RSPO2: variants seen among roughly 807,000 people sequenced by gnomAD.
RSPO2 encodes the protein R-spondin-2.
RSPO2 carries 14 observed loss-of-function variants against 30.9 expected under a neutral mutation model. The observed-to-expected ratio is 0.45, with a 90% confidence interval of 0.30 to 0.71. The LOEUF is 0.71. Ranked by LOEUF, RSPO2 falls within the 30% of genes least tolerant of loss-of-function variation. RSPO2 has a pLI of 0.08. For synonymous variants in RSPO2, 107 were observed against 96.4 expected (o/e 1.11, Z -0.64); for missense variants, 264 against 301.9 (o/e 0.87, Z 0.93).
intron 3 of RSPO2, among the ~76,000 whole-genome samples, chr8:107,987,083 C>T (rs1056463472): frequency 1.3e-5 from 2 of 152,156 alleles, no homozygotes; most frequent in Non-Finnish European, 2.9e-5. Flanking sequence ...ATATTTCTAA[C>T]TCTGCTAACG....
chr8:108,037,603 G>A (rs530217273), intron 2 of RSPO2, among the ~76,000 whole-genome samples: 2 of 152,284 alleles, frequency 1.3e-5, no homozygotes, highest in Admixed American at 6.5e-5. Context: ...GCCTGCTACT[G>A]GGAGAAGATG....
At chr8:107,949,700 T>G (rs1375242250) in intron 5 of RSPO2, among the ~76,000 whole-genome samples, 1 of 152,164 alleles carries the variant, frequency 6.6e-6, no homozygotes, top group Non-Finnish European at 1.5e-5. Flanking sequence ...TATGGAATAA[T>G]AGAAACTGGA....
Position 108,002,245 on chromosome 8 carries a change from T to C in RSPO2, c.95-13001A>G, listed in dbSNP as rs191644404. On this transcript the variant is annotated intron_variant, in intron 2 of 5. Transcript: ENST00000276659. ...ATCTAAATATATACATTTATGAAGA[T>C]TGCAAAACCACCACCCTCACATGGT... Among the ~76,000 whole-genome samples the C allele has an allele frequency of 2.4e-3, 363 of 152,256 alleles. 2 individuals are homozygous for C. The highest frequency in any genetic ancestry group is 7.9e-3 in the African/African-American group (330 of 41,540).
At chr8:108,055,592 T>C (rs1812219179) in intron 2 of RSPO2, among the ~76,000 whole-genome samples, 1 of 152,032 alleles carries the variant, frequency 6.6e-6, no homozygotes, top group Non-Finnish European at 1.5e-5. Flanking sequence ...GTTCAAAACA[T>C]ACTGAAAAGA....
Position 107,970,917 on chromosome 8 carries a change from T to G in RSPO2, c.284-10100A>C, listed in dbSNP as rs527272747. Among the ~76,000 whole-genome samples, 9 of 152,336 alleles carry G rather than the reference T, an allele frequency of 5.9e-5. No individual in the cohort carries two copies. In the South Asian group the frequency reaches 1.7e-3, roughly 28 times the overall value. On this transcript the variant is annotated intron_variant, in intron 3 of 5. Transcript: ENST00000276659. ...TGTCATGTATGCCCATCTAGTTTGA[T>G]GATAAAAGTAGATACAGTCTTGGTT... is the stretch of plus-strand genomic sequence containing the variant.
chr8:107,951,788 G>A (rs934266071), intron 5 of RSPO2, among the ~76,000 whole-genome samples: 7 of 151,958 alleles, frequency 4.6e-5, no homozygotes, highest in Admixed American at 1.3e-4. Flanking sequence ...AAATGAAACC[G>A]AGAAAAGAAG....
At chr8:107,990,154 C>T (rs1814798455) in intron 2 of RSPO2, among the ~76,000 whole-genome samples, 1 of 152,040 alleles carries the variant, frequency 6.6e-6, no homozygotes, top group Non-Finnish European at 1.5e-5. Flanking sequence ...ACAAAAAATT[C>T]TATGGACAAA....
intron 4 of RSPO2, 73 bp from the exon 5 acceptor site, chr8:107,958,341 C>A: frequency 8.0e-7 from 1 of 1,248,544 alleles, no homozygotes; most frequent in Non-Finnish European, 1.1e-6. Context: ...TCACTGTCAT[C>A]AAATTTACAG....
intron 3 of RSPO2, among the ~76,000 whole-genome samples, chr8:107,975,886 G>C (rs1014928529): frequency 1.8e-4 from 28 of 152,186 alleles, no homozygotes; most frequent in African/African-American, 6.8e-4. Context: ...AAAGAACTGA[G>C]AGATTTGGCA....
intron 3 of RSPO2, among the ~76,000 whole-genome samples, chr8:107,981,872 AT>A (rs996950660): frequency 6.6e-6 from 1 of 151,846 alleles, no homozygotes; most frequent in African/African-American, 2.4e-5. Context: ...CTAATAATAC[AT>A]TTTTTAAAAA....
At chr8:108,022,699 G>A (rs1281252841) in intron 2 of RSPO2, among the ~76,000 whole-genome samples, 1 of 152,068 alleles carries the variant, frequency 6.6e-6, no homozygotes, top group African/African-American at 2.4e-5. Context: ...GCCGAGGTGG[G>A]CGGATCACCT....
At chr8:108,016,748 G>A (rs1810901571) in intron 2 of RSPO2, among the ~76,000 whole-genome samples, 1 of 152,122 alleles carries the variant, frequency 6.6e-6, no homozygotes, top group Admixed American at 6.5e-5. Flanking sequence ...ATGGCTTGGA[G>A]CTGTCCTGGC....
At chr8:107,995,315 C>T (rs553096141) in intron 2 of RSPO2, among the ~76,000 whole-genome samples, 158 of 152,200 alleles carry the variant, frequency 1.0e-3, no homozygotes, top group African/African-American at 3.8e-3. Flanking sequence ...GATGAAAAAT[C>T]ATCACCTCAG....
At chr8:107,921,543 T>C (rs1452109659) in intron 5 of RSPO2, among the ~76,000 whole-genome samples, 1 of 152,106 alleles carries the variant, frequency 6.6e-6, no homozygotes, top group Non-Finnish European at 1.5e-5. Flanking sequence ...GGAGTGATGG[T>C]AGCATTCCCA....
intron 5 of RSPO2, among the ~76,000 whole-genome samples, chr8:107,937,699 A>G (rs565145848): frequency 3.9e-5 from 6 of 152,270 alleles, no homozygotes; most frequent in Admixed American, 3.9e-4. Flanking sequence ...GGCATCAACT[A>G]GAGATGCCAG....
intron 3 of RSPO2, among the ~76,000 whole-genome samples, chr8:107,977,289 G>A (rs903875103): frequency 6.6e-6 from 1 of 152,190 alleles, no homozygotes; most frequent in African/African-American, 2.4e-5. Context: ...TTCTTAAAGT[G>A]TAGTCTTTGA....
At chr8:107,983,443 G>A in intron 3 of RSPO2, 2 of 1,599,058 alleles carry the variant, frequency 1.3e-6, no homozygotes, top group South Asian at 2.2e-5. Context: ...AGAGGATGCA[G>A]AGGGCCAGAG....
At chr8:107,909,154 A>G (rs1215997795) in intron 5 of RSPO2, among the ~76,000 whole-genome samples, 2 of 152,156 alleles carry the variant, frequency 1.3e-5, no homozygotes, top group Non-Finnish European at 2.9e-5. Context: ...CAACTGAAGC[A>G]CAGAAGATCT....
chr8:107,963,631 G>A (rs1346570681), intron 3 of RSPO2, among the ~76,000 whole-genome samples: 5 of 150,434 alleles, frequency 3.3e-5, no homozygotes, highest in South Asian at 2.1e-4. Context: ...AGTAGCTTAC[G>A]GAAGTTAATT....
Sources: allele counts gnomAD v4.1 joint callset (sites outside exome capture counted in the v4.1 genomes callset), GRCh38; gene constraint gnomAD v4.1.1; transcripts MANE v1.5; gene names NCBI Gene and HGNC (gene_info 2026-07-23, HGNC 2026-07-21).